The following XKR7 variants were observed in gnomAD, a reference collection of about 807,000 sequenced individuals.
XKR7 encodes XK-related protein 7.
A neutral mutation model predicts 42.2 loss-of-function variants in XKR7; 11 were observed. The observed-to-expected ratio is 0.26, with a 90% confidence interval of 0.16 to 0.43. The LOEUF is 0.43. XKR7 is among the 20% of genes least tolerant of loss of function. The pLI is 1.00. For synonymous variants in XKR7, 346 were observed against 366.4 expected, an observed-to-expected ratio of 0.94 and a Z score of 0.64; for missense variants, 710 against 802.2, an observed-to-expected ratio of 0.89 and a Z score of 1.39.
In XKR7 at chr20:31,982,740, C is replaced by T. The variant is rs187455471; in HGVS notation, c.585-12328C>T. Among the ~76,000 whole-genome samples the T allele has an allele frequency of 3.3e-5, 5 of 152,290 alleles. No homozygotes were observed. The East Asian group carries it at 9.6e-4, about 29-fold the overall frequency. On this transcript the variant is annotated intron_variant, in intron 1 of 2. Transcript: ENST00000562532. ...AAGAATACTTGCCCTGTGAACCTGT[C>T]CCAAAGGTGCTTTCTGACCCAGTGT...
At chr20:31,986,357 C>G (rs1158137442) in intron 1 of XKR7, among the ~76,000 whole-genome samples, 2 of 143,860 alleles carry the variant, frequency 1.4e-5, no homozygotes, top group Non-Finnish European at 3.0e-5. Flanking sequence ...CACAGACAGA[C>G]AGACCACCAA....
At chr20:31,988,121 G>A (rs747301883) in intron 1 of XKR7, among the ~76,000 whole-genome samples, 2 of 152,228 alleles carry the variant, frequency 1.3e-5, no homozygotes, top group Non-Finnish European at 2.9e-5. Context: ...TGAATGGACT[G>A]AGGTGCAGGC....
chr20:31,993,266 C>A (rs960478199), intron 1 of XKR7, among the ~76,000 whole-genome samples: 1 of 152,126 alleles, frequency 6.6e-6, no homozygotes, highest in African/African-American at 2.4e-5. Flanking sequence ...GTGGCAGGGT[C>A]TGTAGCTGCA....
intron 1 of XKR7, among the ~76,000 whole-genome samples, chr20:31,987,618 C>T (rs149804049): frequency 6.6e-6 from 1 of 150,972 alleles, no homozygotes; most frequent in Admixed American, 6.6e-5. Context: ...CAAGAGGACC[C>T]AGTATTAAGA....
Position 31,996,909 on chromosome 20 carries a change from C to T in XKR7, c.1192C>T (p.Leu398Phe), listed in dbSNP as rs2064595481. Reference sequence around the variant, plus strand: ...CATCGTCCTGCTGGAGAACGCCGCGCTCACCGGCTTCTGGTACTCCAGCCG... The same window carrying T: ...CATCGTCCTGCTGGAGAACGCCGCGTTCACCGGCTTCTGGTACTCCAGCCG... ...HCIVLLENAA[L>F]TGFWYSSRNF... The change falls in exon 3 of 3, where the codon CTC becomes TTC. Residue 398 changes from leucine (L) to phenylalanine (F), a missense_variant. Transcript: ENST00000562532. The T allele has an allele frequency of 6.2e-7, 1 of 1,613,802 alleles. No homozygotes were observed. Among genetic ancestry groups the T allele is most frequent in the African/African-American group, 1.3e-5 (1 of 74,944 alleles).
chr20:31,977,051 A>C (rs1426529446), intron 1 of XKR7, among the ~76,000 whole-genome samples: 1 of 152,232 alleles, frequency 6.6e-6, no homozygotes, highest in Non-Finnish European at 1.5e-5. Flanking sequence ...AGCTTTCTGC[A>C]GTTGTGGACA....
At chr20:31,990,352 CACA>C (rs2064564833) in intron 1 of XKR7, among the ~76,000 whole-genome samples, 6 of 152,098 alleles carry the variant, frequency 3.9e-5, no homozygotes. Context: ...ATTTAATGCT[CACA>C]ACAAGGAGGA....
intron 1 of XKR7, among the ~76,000 whole-genome samples, chr20:31,988,690 C>G (rs1568887954): frequency 6.6e-6 from 1 of 152,164 alleles, no homozygotes; most frequent in Non-Finnish European, 1.5e-5. Flanking sequence ...ACTACAGTGT[C>G]TGGCTCACTT....
Position 31,996,519 on chromosome 20 carries a change from G to T in XKR7, c.802G>T (p.Ala268Ser), listed in dbSNP as rs1257233237. The change falls in exon 3 of 3, where the codon GCC (alanine) becomes TCC (serine). Residue 268 changes from alanine (A) to serine (S), a missense_variant. This residue lies in a region of XKR7 where 708 missense variants were observed against 786.2 expected (regional missense o/e 0.90). Transcript: ENST00000562532. The stretch of plus-strand genomic sequence containing the variant: ...TGTCTCCACAGCCCTCTCCACCTCC[G>T]CCTCCCTCGTGTCTCTGGCCTGGAC... ...PDLLPALSTS[A>S]SLVSLAWTLA... The T allele has an allele frequency of 1.0e-6, 1 of 961,624 alleles. No individual in the cohort carries two copies. Among genetic ancestry groups the T allele is most frequent in the Admixed American group, 7.2e-5 (1 of 13,960 alleles). The allele number at this position is 961,624 out of a possible 1,614,324, so 59.6% of individuals were successfully genotyped here. A position where few individuals can be genotyped will look rare whatever the true frequency, so the allele number is the denominator to read the frequency against.
intron 1 of XKR7, among the ~76,000 whole-genome samples, chr20:31,969,568 G>A (rs1174301699): frequency 1.3e-5 from 2 of 152,142 alleles, no homozygotes; most frequent in African/African-American, 2.4e-5. Flanking sequence ...CTAAACCTAG[G>A]GCTCCTCTTG....
chr20:31,998,493 A>C lies in XKR7; in HGVS notation c.*1036A>C, dbSNP rs2064607805. The stretch of plus-strand genomic sequence containing the variant: ...TGTATTCTGTTGTGAGGAGGAGGAC[A>C]CTGGAGGCCTGCTGCTCTGCTGTGG... On this transcript the variant is annotated 3_prime_UTR_variant, in exon 3 of 3. Transcript: ENST00000562532. The C allele has an allele frequency of 6.6e-6, 1 of 152,296 alleles. No homozygotes were observed. Among genetic ancestry groups the C allele is most frequent in the Non-Finnish European group, 1.5e-5 (1 of 68,152 alleles). 9.4% of individuals were successfully genotyped at this position (152,296 alleles called of 1,614,324 possible).
At chr20:31,982,590 C>T (rs2064518505) in intron 1 of XKR7, among the ~76,000 whole-genome samples, 1 of 151,818 alleles carries the variant, frequency 6.6e-6, no homozygotes, top group Non-Finnish European at 1.5e-5. Context: ...ACTAAGTTTC[C>T]TCATCTGGAA....
At position 31,995,046 on chromosome 20, in the gene XKR7, G is replaced by C. The variant is rs753610786; in HGVS notation, c.585-22G>C. 2.6e-6 allele frequency: 4 copies of C among 1,540,730 alleles called. No homozygotes were observed. The highest frequency in any genetic ancestry group is 1.4e-5 in the African/African-American group (1 of 72,438). On this transcript the variant is annotated intron_variant, in intron 1 of 2. Coordinates refer to ENST00000562532, the MANE Select transcript of XKR7 (RefSeq NM_001011718.2). The surrounding 1 kb of genome is among the most constrained non-coding windows in gnomAD (Gnocchi z 4.1). ...GAGAGGAACCAGCGCGCGGGAGCCTGAGCACCGCGTCCTTCCCGCAGGTAC... is the reference window on the plus strand; with the variant it reads ...GAGAGGAACCAGCGCGCGGGAGCCTCAGCACCGCGTCCTTCCCGCAGGTAC...
At chr20:31,992,691 TGATGCCAG>T (rs753696929) in intron 1 of XKR7, among the ~76,000 whole-genome samples, 22 of 152,186 alleles carry the variant, frequency 1.4e-4, no homozygotes, top group Admixed American at 1.1e-3. Context: ...TGCCATAGAC[TGATGCCAG>T]GATGACCCAG....
intron 1 of XKR7, among the ~76,000 whole-genome samples, chr20:31,990,368 A>G (rs967618971): frequency 2.0e-5 from 3 of 152,184 alleles, no homozygotes; most frequent in Non-Finnish European, 4.4e-5. Context: ...AAGGAGGAAA[A>G]TAAAGCTCAG....
chr20:31,996,722 C>T lies in XKR7; in HGVS notation c.1005C>T (p.His335=). ...KLYFGIFIVA[H]WCVMTFWVIQ... The stretch of plus-strand genomic sequence containing the variant: ...ATTTTGGCATCTTCATCGTGGCCCA[C>T]TGGTGCGTCATGACCTTCTGGGTCA... The change falls in exon 3 of 3, where the codon CAC becomes CAT. Residue 335 remains histidine, a synonymous_variant. Transcript: ENST00000562532. 1 of 1,613,424 alleles carries T rather than the reference C, an allele frequency of 6.2e-7. No homozygotes were observed. The highest frequency in any genetic ancestry group is 8.5e-7 in the Non-Finnish European group (1 of 1,179,662).
At chr20:31,993,606 G>T (rs1284012921) in intron 1 of XKR7, among the ~76,000 whole-genome samples, 1 of 152,068 alleles carries the variant, frequency 6.6e-6, no homozygotes, top group Non-Finnish European at 1.5e-5. Context: ...TATAGATTAA[G>T]CACACTTTCA....
At chr20:31,970,271 C>A (rs897592175) in intron 1 of XKR7, 1 of 152,178 alleles carries the variant, frequency 6.6e-6, no homozygotes, top group South Asian at 2.1e-4. Flanking sequence ...AGCTTCATCC[C>A]CCTTTTCCTT....
At chr20:31,981,810 G>C (rs985376493) in intron 1 of XKR7, among the ~76,000 whole-genome samples, 1 of 152,106 alleles carries the variant, frequency 6.6e-6, no homozygotes, top group African/African-American at 2.4e-5. Flanking sequence ...CTTCTCTGAC[G>C]GCAGCCATTC....
Sources: allele counts gnomAD v4.1 joint callset (sites outside exome capture counted in the v4.1 genomes callset), GRCh38; gene constraint gnomAD v4.1.1; regional missense constraint gnomAD v4.1.1; non-coding constraint Gnocchi (gnomAD v3.1); transcripts MANE v1.5; gene names NCBI Gene and HGNC (gene_info 2026-07-23, HGNC 2026-07-21).